The following PIR variants were observed in gnomAD, a reference collection of about 807,000 sequenced individuals.
PIR encodes the protein pirin, also known as pirin (iron-binding nuclear protein).
Under a neutral mutation model 24.2 loss-of-function variants are expected in PIR, and 22 were observed. That is an observed-to-expected ratio of 0.91 (90% CI 0.65 to 1.30). PIR has a LOEUF of 1.30. PIR is among the 50% of genes most tolerant of loss of function. The pLI is 0.00. For missense variants in PIR, 220 were observed against 220.3 expected (o/e 1.00, Z 0.01); for synonymous variants, 80 against 79.6 (o/e 1.00, Z -0.03).
At chrX:15,420,419 T>C (rs1925092309) in intron 6 of PIR, among the ~76,000 whole-genome samples, 1 of 111,650 alleles carries the variant, frequency 9.0e-6, no homozygotes. Flanking sequence ...ACTGGTATTC[T>C]ATATGCTGCT....
intron 8 of PIR, among the ~76,000 whole-genome samples, chrX:15,396,734 G>C (rs1408406995): frequency 1.8e-5 from 2 of 108,494 alleles, no homozygotes; most frequent in Non-Finnish European, 3.8e-5. Context: ...TCAGTTCAAA[G>C]TGGGGATTCT....
chrX:15,454,892 G>A (rs1050539181), intron 5 of PIR, among the ~76,000 whole-genome samples: 28 of 111,987 alleles, frequency 2.5e-4, no homozygotes, highest in African/African-American at 7.8e-4. Context: ...ATGAAAGCCC[G>A]GCTCCCTTGC....
At chrX:15,451,254 G>C (rs748641911) in intron 5 of PIR, among the ~76,000 whole-genome samples, 1 of 110,876 alleles carries the variant, frequency 9.0e-6, no homozygotes, top group East Asian at 2.8e-4. Flanking sequence ...AAGCCACATG[G>C]AAGAAGCTAA....
chrX:15,417,072 C>A (rs943097546), intron 6 of PIR, among the ~76,000 whole-genome samples: 2 of 111,391 alleles, frequency 1.8e-5, no homozygotes, highest in African/African-American at 6.5e-5. Flanking sequence ...CCCCCTCCAC[C>A]CCCAGTAGCT....
At chrX:15,432,214 C>T in intron 5 of PIR, among the ~76,000 whole-genome samples, 1 of 111,578 alleles carries the variant, frequency 9.0e-6, no homozygotes, top group Middle Eastern at 4.7e-3. Flanking sequence ...CAATTAATTT[C>T]CTCATTCAAA....
At chrX:15,399,463 C>T (rs1450603122) in intron 7 of PIR, among the ~76,000 whole-genome samples, 2 of 111,536 alleles carry the variant, frequency 1.8e-5, no homozygotes, top group African/African-American at 6.5e-5. Flanking sequence ...GAGTTCTCAA[C>T]GTGGAGTCAA....
At chrX:15,447,553 C>T (rs998764232) in intron 5 of PIR, among the ~76,000 whole-genome samples, 5 of 111,773 alleles carry the variant, frequency 4.5e-5, no homozygotes, top group Non-Finnish European at 9.4e-5. Context: ...CTCCTGACCT[C>T]GTGATCCGGC....
intron 7 of PIR, among the ~76,000 whole-genome samples, chrX:15,398,364 T>A (rs1924249561): frequency 8.9e-6 from 1 of 111,882 alleles, no homozygotes; most frequent in African/African-American, 3.2e-5. Flanking sequence ...AAGGCAACGA[T>A]AAATTCATAA....
intron 6 of PIR, among the ~76,000 whole-genome samples, chrX:15,418,574 C>G (rs769395858): frequency 8.9e-6 from 1 of 112,225 alleles, no homozygotes; most frequent in South Asian, 3.7e-4. Flanking sequence ...GATGCACCGT[C>G]CAGCTCAATT....
chrX:15,462,108 G>A (rs1921329909), intron 3 of PIR, among the ~76,000 whole-genome samples: 2 of 111,239 alleles, frequency 1.8e-5, no homozygotes, highest in Admixed American at 1.9e-4. Flanking sequence ...AAAAGCAGAA[G>A]AAAAGTAAAC....
chrX:15,444,758 T>G (rs1926032424), intron 5 of PIR, among the ~76,000 whole-genome samples: 1 of 111,309 alleles, frequency 9.0e-6, no homozygotes, highest in Non-Finnish European at 1.9e-5. Context: ...CAAGTCTTGG[T>G]AGTTACCTAG....
In PIR at chrX:15,449,116, T is replaced by C. The variant is rs146437858; in HGVS notation, c.480+6732A>G. On this transcript the variant is annotated intron_variant, in intron 5 of 9. Coordinates refer to ENST00000380420, the MANE Select transcript of PIR (RefSeq NM_001018109.3). ...GTGTGAATCTGGGCAGAAGTTGAGA[T>C]GCTTGTCGGCCAGGACAGCTGAGAA... 4.5e-5 allele frequency among the ~76,000 whole-genome samples: 5 copies of C among 112,074 alleles called. No homozygotes were observed. In the South Asian group the frequency reaches 1.1e-3, roughly 25 times the overall value.
chrX:15,450,449 T>C (rs1458019152), intron 5 of PIR, among the ~76,000 whole-genome samples: 4 of 111,239 alleles, frequency 3.6e-5, no homozygotes, highest in Non-Finnish European at 7.5e-5. Context: ...TGTGCGCGTA[T>C]ATGTTACCTG....
rs181609195 is a variant in PIR at position 15,472,261 on chromosome X, G to T, written c.189+7468C>A. 2.7e-5 allele frequency among the ~76,000 whole-genome samples: 3 copies of T among 112,178 alleles called. No individual in the cohort carries two copies. In the South Asian group the frequency reaches 1.1e-3, roughly 41 times the overall value. On this transcript the variant is annotated intron_variant, in intron 3 of 9. Coordinates refer to ENST00000380420, the MANE Select transcript of PIR (RefSeq NM_001018109.3). ...TTCTAAAGGTACAAAGAGAAAAAAA[G>T]GGTTCAGCGAAAACCAATAATCTTG...
intron 3 of PIR, among the ~76,000 whole-genome samples, chrX:15,465,338 TG>T (rs1921510765): frequency 8.9e-6 from 1 of 112,233 alleles, no homozygotes; most frequent in African/African-American, 3.2e-5. Flanking sequence ...ACCTTTTATT[TG>T]TTTTTTTGCT....
At position 15,452,339 on chromosome X, in the gene PIR, C is replaced by A. The variant is rs533400534; in HGVS notation, c.480+3509G>T. ...GTGACAGGAACTATTCAAACTATCCCATTTTAACCTTTTCTCCCTGTTCAG... is the reference window on the plus strand; with the variant it reads ...GTGACAGGAACTATTCAAACTATCCAATTTTAACCTTTTCTCCCTGTTCAG... On this transcript the variant is annotated intron_variant, in intron 5 of 9. Transcript: ENST00000380420. Among the ~76,000 whole-genome samples, 34 of 111,693 alleles carry A rather than the reference C, an allele frequency of 3.0e-4. No individual in the cohort carries two copies. In the South Asian group the frequency reaches 0.012, roughly 38 times the overall value.
At chrX:15,390,807 A>C (rs779406644) in intron 8 of PIR, among the ~76,000 whole-genome samples, 5 of 111,948 alleles carry the variant, frequency 4.5e-5, no homozygotes, top group Non-Finnish European at 9.4e-5. Context: ...GCTTAGAATT[A>C]AGGATTCAAT....
chrX:15,399,490 G>A (rs985572052), intron 7 of PIR, among the ~76,000 whole-genome samples: 12 of 111,681 alleles, frequency 1.1e-4, no homozygotes, highest in African/African-American at 3.6e-4. Context: ...CCCAAGGGGG[G>A]TCTATGGATA....
intron 5 of PIR, among the ~76,000 whole-genome samples, chrX:15,455,319 G>A (rs190925894): frequency 2.7e-3 from 302 of 112,779 alleles, no homozygotes; most frequent in African/African-American, 8.3e-3. Flanking sequence ...AGTCCCAGTT[G>A]AAAAGAATGT....
Sources: allele counts gnomAD v4.1 joint callset (sites outside exome capture counted in the v4.1 genomes callset), GRCh38; gene constraint gnomAD v4.1.1; transcripts MANE v1.5; gene names NCBI Gene and HGNC (gene_info 2026-07-23, HGNC 2026-07-21).